RNF222: variants seen among roughly 807,000 people sequenced by gnomAD.
The protein encoded by RNF222 is RING finger protein LOC643904.
In RNF222, 14 loss-of-function variants were observed where a neutral mutation model predicts 10.8. The ratio of observed to expected loss-of-function variants is 1.30; its 90% confidence interval spans 0.86 to 2.03. RNF222 has a LOEUF of 2.03. RNF222 is among the 30% of genes most tolerant of loss of function. The pLI is 0.00. For missense variants in RNF222, 298 were observed against 295.8 expected, an observed-to-expected ratio of 1.01 and a Z score of -0.06; for synonymous variants, 141 against 142.5, an observed-to-expected ratio of 0.99 and a Z score of 0.07.
Position 8,391,207 on chromosome 17 carries a change from A to T in RNF222, c.*1592T>A, listed in dbSNP as rs2151680281. 1 of 152,158 alleles carries T rather than the reference A, an allele frequency of 6.6e-6. No individual in the cohort carries two copies. The highest frequency in any genetic ancestry group is 2.1e-4 in the South Asian group (1 of 4,808). 9.4% of individuals were successfully genotyped at this position (152,158 alleles called of 1,614,324 possible). ...TGGCTAATTTTTGTATTTTTAGTAG[A>T]GACGCGGTTTCACCATATTGGCCAG... is the stretch of plus-strand genomic sequence containing the variant. On this transcript the variant is annotated 3_prime_UTR_variant, in exon 3 of 3. Coordinates refer to ENST00000399398, the MANE Select transcript of RNF222 (RefSeq NM_001146684.3).
chr17:8,396,709 C>A (rs1329444944), intron 1 of RNF222, among the ~76,000 whole-genome samples: 1 of 152,192 alleles, frequency 6.6e-6, no homozygotes. Flanking sequence ...GACGATGCTA[C>A]CTCCTTCCCC....
At chr17:8,396,616 G>C (rs916128149) in intron 1 of RNF222, among the ~76,000 whole-genome samples, 3 of 151,260 alleles carry the variant, frequency 2.0e-5, no homozygotes, top group Non-Finnish European at 4.4e-5. Flanking sequence ...TCTCTGGACA[G>C]TCCTTCCCGC....
rs535055097 is a variant in RNF222, at chr17:8,391,708, A to C, written c.*1091T>G. On this transcript the variant is annotated 3_prime_UTR_variant, in exon 3 of 3. Transcript: ENST00000399398. Reference sequence around the variant, plus strand: ...GGCTAGACCCAACCTGAGGCTCTTCACAGTCCAACGTGGGGGCCCCAGGCA... The same window carrying C: ...GGCTAGACCCAACCTGAGGCTCTTCCCAGTCCAACGTGGGGGCCCCAGGCA... 1.3e-5 allele frequency: 2 copies of C among 152,368 alleles called. No individual in the cohort carries two copies. The highest frequency in any genetic ancestry group is 4.1e-4 in the South Asian group (2 of 4,828). 9.4% of individuals were successfully genotyped at this position (152,368 alleles called of 1,614,324 possible). A position where few individuals can be genotyped will look rare whatever the true frequency, so the allele number is the denominator to read the frequency against.
Position 8,394,342 on chromosome 17 carries a change from T to G in RNF222, c.-177-13A>C, listed in dbSNP as rs1332245371. 1.3e-5 allele frequency: 2 copies of G among 152,164 alleles called. No individual in the cohort carries two copies. The highest frequency in any genetic ancestry group is 3.9e-4 in the East Asian group (2 of 5,176). The allele number at this position is 152,164 out of a possible 1,614,324, so 9.4% of individuals were successfully genotyped here. On this transcript the variant is annotated splice_polypyrimidine_tract_variant and intron_variant, in intron 1 of 2. Transcript: ENST00000399398. ...CTGGTAGCCAAGTCTGATAGGAAAG[T>G]AAATGAGTGATCAAGTGGCATGATA...
rs756924008 is a variant in RNF222 at position 8,393,170 on chromosome 17, G to T, written c.292C>A (p.Pro98Thr). The T allele has an allele frequency of 7.7e-6, 12 of 1,549,866 alleles. No individual in the cohort carries two copies. In the South Asian group the frequency reaches 1.3e-4, roughly 17 times the overall value. The change falls in exon 3 of 3, where the codon CCC (proline) becomes ACC (threonine). Residue 98 changes from proline to threonine, a missense_variant. Transcript: ENST00000399398. ...LAVPVGLPSV[P>T]PLDSLGHTNP... is the part of the protein sequence containing the mutation. ...GTGTGGCCCAGGCTGTCCAGTGGGG[G>T]CACGGAGGGCAGGCCCACGGGCACA...
Position 8,392,592 on chromosome 17 carries a change from A to G in RNF222, c.*207T>C, listed in dbSNP as rs1331070542. The G allele has an allele frequency of 6.6e-6, 4 of 602,152 alleles. No homozygotes were observed. The East Asian group carries it at 1.2e-4, about 19-fold the overall frequency. 37.3% of individuals were successfully genotyped at this position (602,152 alleles called of 1,614,324 possible). ...TCTGCTGAGGATTCACGTGGGGAACACGCGCCGCGCGCATGGAGTCAGCTC... is the reference window on the plus strand; with the variant it reads ...TCTGCTGAGGATTCACGTGGGGAACGCGCGCCGCGCGCATGGAGTCAGCTC... On this transcript the variant is annotated 3_prime_UTR_variant, in exon 3 of 3. Transcript: ENST00000399398. The surrounding 1 kb of genome is among the most constrained non-coding windows in gnomAD (Gnocchi z 4.3).
At chr17:8,394,408 A>C (rs147789826) in intron 1 of RNF222, 79 bp from the exon 2 acceptor site, 1 of 152,208 alleles carries the variant, frequency 6.6e-6, no homozygotes, top group African/African-American at 2.4e-5. Flanking sequence ...GATATAAAGT[A>C]ACAAGATATA....
Position 8,392,883 on chromosome 17 carries a change from G to A in RNF222, c.579C>T (p.Ala193=), listed in dbSNP as rs1458916794. The change falls in exon 3 of 3, where the codon GCC becomes GCT. Residue 193 remains alanine (A), a synonymous_variant. Transcript: ENST00000399398. The surrounding 1 kb of genome is among the most constrained non-coding windows in gnomAD (Gnocchi z 4.3). The stretch of plus-strand genomic sequence containing the variant: ...CAGCGATGAGCGTGATGAGCAGCAG[G>A]GCCCGCGATCGGCAGCAGAAGGCGC... ...SARAFCCRSR[A]LLLITLIAVV... 6.5e-7 allele frequency: 1 copy of A among 1,533,190 alleles called. No homozygotes were observed. The highest frequency in any genetic ancestry group is 2.4e-5 in the East Asian group (1 of 40,838). The allele number at this position is 1,533,190 out of a possible 1,614,324, so 95.0% of individuals were successfully genotyped here. A position where few individuals can be genotyped will look rare whatever the true frequency, so the allele number is the denominator to read the frequency against.
At chr17:8,393,509 A>G (rs1567712181) in intron 2 of RNF222, 23 bp from the exon 3 acceptor site, 1 of 1,499,224 alleles carries the variant, frequency 6.7e-7, no homozygotes. Context: ...AGGGTTGTGA[A>G]TATTGGGGCA....
In RNF222 at chr17:8,393,098, G is replaced by T; in HGVS notation, c.364C>A (p.Gln122Lys). 1 of 1,510,656 alleles carries T rather than the reference G, an allele frequency of 6.6e-7. No individual in the cohort carries two copies. 93.6% of individuals were successfully genotyped at this position (1,510,656 alleles called of 1,614,324 possible). A position where few individuals can be genotyped will look rare whatever the true frequency, so the allele number is the denominator to read the frequency against. ...SSPAWRPPPG[Q>K]ARPPGSPGQS... The stretch of plus-strand genomic sequence containing the variant: ...CCCGGGCTGCCTGGCGGCCTGGCCT[G>T]GCCTGGAGGTGGCCTCCAGGCAGGG... Residue 122 changes from glutamine to lysine, a missense_variant, in exon 3 of 3, where the codon CAG becomes AAG. Gln to Lys is a moderately conservative substitution (Grantham distance 53). Coordinates refer to ENST00000399398, the MANE Select transcript of RNF222 (RefSeq NM_001146684.3).
chr17:8,396,684 C>T (rs138858654), intron 1 of RNF222, among the ~76,000 whole-genome samples: 205 of 152,320 alleles, frequency 1.3e-3, no homozygotes, highest in Middle Eastern at 6.8e-3. Context: ...CGGAGAGCCA[C>T]GCCGTCAACA....
In RNF222 at chr17:8,391,540, GGGGGCTC is replaced by G. The variant is rs1907827768; in HGVS notation, c.*1252_*1258del. 1 of 106,886 alleles carries G rather than the reference GGGGGCTC, an allele frequency of 9.4e-6. No individual in the cohort carries two copies. Among genetic ancestry groups the G allele is most frequent in the African/African-American group, 3.8e-5 (1 of 26,272 alleles). The allele number at this position is 106,886 out of a possible 1,614,324, so 6.6% of individuals were successfully genotyped here. On this transcript the variant is annotated 3_prime_UTR_variant, in exon 3 of 3. Transcript: ENST00000399398. ...AGAGGGGTATAGGTTGAGGGAGGTT[GGGGGCTC>G]AGCTGTGGGCACAGCTGGGTGCAGA... is the stretch of plus-strand genomic sequence containing the variant.
chr17:8,395,919 T>C (rs1368508032), intron 1 of RNF222, among the ~76,000 whole-genome samples: 1 of 152,218 alleles, frequency 6.6e-6, no homozygotes, highest in East Asian at 1.9e-4. Flanking sequence ...TATCCATCCA[T>C]CCATCTGTCT....
Position 8,392,782 on chromosome 17 carries a change from C to T in RNF222, c.*17G>A. On this transcript the variant is annotated 3_prime_UTR_variant, in exon 3 of 3. Coordinates refer to ENST00000399398, the MANE Select transcript of RNF222 (RefSeq NM_001146684.3). This position sits in a 1 kb window ranked among gnomAD's most constrained non-coding sequence, Gnocchi z 4.3. ...CCCCAGGCCACGGCTAGCCCGGCGG[C>T]CTCCCTGAGGTGCGGCTCACGCCTG... 1 of 1,530,788 alleles carries T rather than the reference C, an allele frequency of 6.5e-7. No homozygotes were observed. The highest frequency in any genetic ancestry group is 8.7e-7 in the Non-Finnish European group (1 of 1,145,478). The allele number at this position is 1,530,788 out of a possible 1,614,324, so 94.8% of individuals were successfully genotyped here. A position where few individuals can be genotyped will look rare whatever the true frequency, so the allele number is the denominator to read the frequency against.
Position 8,393,407 on chromosome 17 carries a change from C to T in RNF222, c.55G>A (p.Glu19Lys), listed in dbSNP as rs1907933312. The T allele has an allele frequency of 1.9e-6, 3 of 1,551,670 alleles. No individual in the cohort carries two copies. The highest frequency in any genetic ancestry group is 2.6e-6 in the Non-Finnish European group (3 of 1,146,974). ...SSGSECPVCYEKFRDLEGASR... is the reference protein window; with the variant it reads ...SSGSECPVCYKKFRDLEGASR... ...GCGCCCTCCAGGTCCCGGAACTTCT[C>T]ATAGCACACGGGGCACTCACTGCCC... The change falls in exon 3 of 3, where the codon GAG becomes AAG. Residue 19 changes from glutamate to lysine, a missense_variant. Physicochemically the swap from Glu to Lys is moderately conservative, Grantham distance 56 (BLOSUM62 1). Coordinates refer to ENST00000399398, the MANE Select transcript of RNF222 (RefSeq NM_001146684.3).
intron 2 of RNF222, 142 bp from the exon 3 acceptor site, chr17:8,393,628 T>A: frequency 8.2e-7 from 1 of 1,223,052 alleles, no homozygotes; most frequent in African/African-American, 1.5e-5. Context: ...TACTCTTGGC[T>A]CTTCTGCTGC....
Position 8,392,973 on chromosome 17 carries a change from G to C in RNF222, c.489C>G (p.Asp163Glu). Reference protein sequence around the residue: ...SRHGMPLGEQDSVLPRRSLAE... With the variant: ...SRHGMPLGEQESVLPRRSLAE... ...CCAGGCTGCGGCGGGGCAGCACGCTGTCCTGCTCCCCCAGGGGCATCCCGT... is the reference window on the plus strand; with the variant it reads ...CCAGGCTGCGGCGGGGCAGCACGCTCTCCTGCTCCCCCAGGGGCATCCCGT... Residue 163 changes from aspartate to glutamate, a missense_variant, in exon 3 of 3, where the codon GAC becomes GAG. By Grantham distance (45) the Asp-to-Glu change is conservative. Coordinates refer to ENST00000399398, the MANE Select transcript of RNF222 (RefSeq NM_001146684.3). The surrounding 1 kb of genome is among the most constrained non-coding windows in gnomAD (Gnocchi z 4.3). 1 of 1,509,426 alleles carries C rather than the reference G, an allele frequency of 6.6e-7. No homozygotes were observed. Among genetic ancestry groups the C allele is most frequent in the Middle Eastern group, 1.7e-4 (1 of 5,752 alleles). The allele number at this position is 1,509,426 out of a possible 1,614,324, so 93.5% of individuals were successfully genotyped here.
intron 1 of RNF222, among the ~76,000 whole-genome samples, 161 bp downstream of exon 1, chr17:8,397,534 T>C (rs974891326): frequency 2.6e-5 from 4 of 152,174 alleles, no homozygotes; most frequent in African/African-American, 9.6e-5. Flanking sequence ...CCTATAGCTT[T>C]AGCTGTGACT....
At position 8,391,123 on chromosome 17, in the gene RNF222, TC is replaced by T. The variant is rs1217425310; in HGVS notation, c.*1675del. On this transcript the variant is annotated 3_prime_UTR_variant, in exon 3 of 3. Coordinates refer to ENST00000399398, the MANE Select transcript of RNF222 (RefSeq NM_001146684.3). The stretch of plus-strand genomic sequence containing the variant: ...TCACTGCAACCTCCGCCTCCCGGGT[TC>T]AAGCGAATCTTCTGTCTCTCCCAGG... The T allele has an allele frequency of 2.0e-5, 3 of 152,126 alleles. No individual in the cohort carries two copies. Among genetic ancestry groups the T allele is most frequent in the African/African-American group, 7.3e-5 (3 of 41,328 alleles). The allele number at this position is 152,126 out of a possible 1,614,324, so 9.4% of individuals were successfully genotyped here.
Sources: gnomAD v4.1 joint callset for allele counts (sites outside exome capture counted in the v4.1 genomes callset) on GRCh38, gnomAD v4.1.1 for gene constraint, Gnocchi (gnomAD v3.1) non-coding constraint, MANE v1.5 for transcripts, NCBI Gene and HGNC (gene_info 2026-07-23, HGNC 2026-07-21) for gene names.